CDH7: variants seen among roughly 807,000 people sequenced by gnomAD.
CDH7 encodes the protein cadherin 7.
In CDH7, 25 loss-of-function variants were observed where a neutral mutation model predicts 71.8. The ratio of observed to expected loss-of-function variants is 0.35; its 90% confidence interval spans 0.25 to 0.49. The LOEUF is 0.49. Among genes scored for constraint, CDH7 ranks in the 20% least tolerant of loss-of-function variants. The pLI is 0.99. For missense variants in CDH7, 862 were observed against 974.6 expected (o/e 0.88, Z 1.54); for synonymous variants, 381 against 363.8 (o/e 1.05, Z -0.54).
At chr18:65,810,046 G>A in intron 3 of CDH7, 48 bp downstream of exon 3, 5 of 1,419,624 alleles carry the variant, frequency 3.5e-6, no homozygotes, top group South Asian at 2.5e-5. Flanking sequence ...GATTTGGGGA[G>A]ATTTGTATTT....
At chr18:65,831,666 C>A (rs1156761689) in intron 6 of CDH7, among the ~76,000 whole-genome samples, 1 of 152,038 alleles carries the variant, frequency 6.6e-6, no homozygotes, top group East Asian at 1.9e-4. Context: ...AGGGAGCTTT[C>A]ACAGCAACAG....
chr18:65,761,205 A>G (rs1251897589), intron 1 of CDH7, among the ~76,000 whole-genome samples: 2 of 152,134 alleles, frequency 1.3e-5, no homozygotes, highest in Non-Finnish European at 2.9e-5. Flanking sequence ...TCAAAACTTT[A>G]TAGATATATA....
intron 3 of CDH7, among the ~76,000 whole-genome samples, chr18:65,810,489 G>A (rs1018712075): frequency 2.6e-5 from 4 of 152,154 alleles, no homozygotes; most frequent in African/African-American, 9.7e-5. Context: ...TGGATTGGCT[G>A]TTCTGTTTAA....
At chr18:65,806,409 G>T (rs562707622) in intron 2 of CDH7, among the ~76,000 whole-genome samples, 87 of 149,868 alleles carry the variant, frequency 5.8e-4, no homozygotes, top group African/African-American at 2.0e-3. Flanking sequence ...TTTTTTTTTT[G>T]TTATTGTTTA....
At chr18:65,864,308 AG>A (rs1486550071) in intron 11 of CDH7, among the ~76,000 whole-genome samples, 1 of 152,128 alleles carries the variant, frequency 6.6e-6, no homozygotes, top group African/African-American at 2.4e-5. Flanking sequence ...AAGCAGCTGA[AG>A]ATGGCTTTGA....
intron 8 of CDH7, among the ~76,000 whole-genome samples, 159 bp from the exon 9 acceptor site, chr18:65,858,766 G>A (rs1396248607): frequency 6.6e-6 from 1 of 151,990 alleles, no homozygotes; most frequent in East Asian, 1.9e-4. Flanking sequence ...ATATGAATGT[G>A]TGTGTGTATT....
At chr18:65,873,219 A>ACCTT (rs575051590) in intron 11 of CDH7, among the ~76,000 whole-genome samples, 300 of 152,258 alleles carry the variant, frequency 2.0e-3, no homozygotes, top group Middle Eastern at 0.014. Flanking sequence ...TTTCAACTAT[A>ACCTT]CCTTGTAGGT....
At chr18:65,770,370 C>A (rs1465639027) in intron 2 of CDH7, among the ~76,000 whole-genome samples, 1 of 152,038 alleles carries the variant, frequency 6.6e-6, no homozygotes, top group Admixed American at 6.6e-5. Context: ...AAATACTTAG[C>A]CATCATAATT....
At chr18:65,756,418 A>T (rs1916030572) in intron 1 of CDH7, among the ~76,000 whole-genome samples, 1 of 152,186 alleles carries the variant, frequency 6.6e-6, no homozygotes, top group Non-Finnish European at 1.5e-5. Context: ...TTTTCTAGAA[A>T]ATGCAAATAA....
At chr18:65,797,486 C>G (rs1455884082) in intron 2 of CDH7, among the ~76,000 whole-genome samples, 1 of 152,144 alleles carries the variant, frequency 6.6e-6, no homozygotes, top group Non-Finnish European at 1.5e-5. Flanking sequence ...TTAGAAGAGA[C>G]TTTGTTTTCC....
At chr18:65,810,169 A>G (rs1427943308) in intron 3 of CDH7, among the ~76,000 whole-genome samples, 171 bp downstream of exon 3, 1 of 152,080 alleles carries the variant, frequency 6.6e-6, no homozygotes, top group Non-Finnish European at 1.5e-5. Context: ...GCCAGTATCC[A>G]TTAACTTAAC....
chr18:65,831,296 A>G (rs77467128), intron 6 of CDH7, among the ~76,000 whole-genome samples: 5,980 of 152,222 alleles, frequency 0.039, 171 homozygotes, highest in Non-Finnish European at 0.061. Context: ...GTGAGTACCT[A>G]TGTAAGGAAT....
chr18:65,775,103 A>G (rs1909888349), intron 2 of CDH7, among the ~76,000 whole-genome samples: 1 of 152,202 alleles, frequency 6.6e-6, no homozygotes. Context: ...GTTTTCTCAT[A>G]GAGAATTAGA....
At chr18:65,836,393 A>G (rs1352455356) in intron 6 of CDH7, among the ~76,000 whole-genome samples, 1 of 152,160 alleles carries the variant, frequency 6.6e-6, no homozygotes, top group Non-Finnish European at 1.5e-5. Flanking sequence ...CTAAGTTTAA[A>G]ATAATACGTG....
At chr18:65,831,308 T>C (rs1185256299) in intron 6 of CDH7, among the ~76,000 whole-genome samples, 1 of 152,116 alleles carries the variant, frequency 6.6e-6, no homozygotes, top group South Asian at 2.1e-4. Flanking sequence ...GTAAGGAATA[T>C]CCATCACTCT....
chr18:65,765,062 A>T (rs1248285172), intron 2 of CDH7, among the ~76,000 whole-genome samples: 1 of 152,120 alleles, frequency 6.6e-6, no homozygotes, highest in African/African-American at 2.4e-5. Context: ...AAAGAAGGTC[A>T]CTTATATTTA....
rs536219267 is a variant in CDH7, at chr18:65,886,140, T to G, written c.*5246T>G. On this transcript the variant is annotated 3_prime_UTR_variant, in exon 12 of 12. Coordinates refer to ENST00000397968, the MANE Select transcript of CDH7 (RefSeq NM_004361.5). ...CTCTGAACTTTTATAGCTTCATGAT[T>G]AAAATTGAGTTAATTACTATTGTGT... 1 of 152,308 alleles carries G rather than the reference T, an allele frequency of 6.6e-6. No homozygotes were observed. The highest frequency in any genetic ancestry group is 2.1e-4 in the South Asian group (1 of 4,830). The allele number at this position is 152,308 out of a possible 1,614,324, so 9.4% of individuals were successfully genotyped here. A position where few individuals can be genotyped will look rare whatever the true frequency, so the allele number is the denominator to read the frequency against.
chr18:65,848,076 G>T (rs1371003804), intron 7 of CDH7, among the ~76,000 whole-genome samples: 1 of 152,022 alleles, frequency 6.6e-6, no homozygotes, highest in East Asian at 1.9e-4. Flanking sequence ...TTGGCCCTAA[G>T]TACTCAATAT....
chr18:65,790,550 T>C (rs568483201), intron 2 of CDH7, among the ~76,000 whole-genome samples: 2 of 152,290 alleles, frequency 1.3e-5, no homozygotes, highest in African/African-American at 4.8e-5. Flanking sequence ...TTAAGTAGTC[T>C]TAGTAGTCTT....
Sources: gnomAD v4.1 joint callset for allele counts (sites outside exome capture counted in the v4.1 genomes callset) on GRCh38, gnomAD v4.1.1 for gene constraint, MANE v1.5 for transcripts, NCBI Gene and HGNC (gene_info 2026-07-23, HGNC 2026-07-21) for gene names.